Variants in QTMAN observed in about 807,000 individuals in gnomAD.
The protein encoded by QTMAN is tRNA-queuosine alpha-mannosyltransferase.
At chr2:144,202,193 A>G in the QTMAN span, among the ~76,000 whole-genome samples, 6 of 152,232 alleles carry the variant, frequency 3.9e-5, no homozygotes, top group African/African-American at 1.4e-4. Flanking sequence ...GACCCCAAGA[A>G]AACAAGAAAG....
the QTMAN span, among the ~76,000 whole-genome samples, chr2:144,185,923 G>A: frequency 6.6e-6 from 1 of 152,170 alleles, no homozygotes; most frequent in African/African-American, 2.4e-5. Flanking sequence ...TTGTAGAAAA[G>A]ATTATAAAGT....
At chr2:144,130,457 C>G in the QTMAN span, among the ~76,000 whole-genome samples, 25 of 151,974 alleles carry the variant, frequency 1.6e-4, no homozygotes, top group African/African-American at 6.0e-4. Context: ...AAGTAAACAT[C>G]ATATGATACT....
At chr2:144,248,578 G>A in the QTMAN span, among the ~76,000 whole-genome samples, 4 of 152,074 alleles carry the variant, frequency 2.6e-5, no homozygotes, top group African/African-American at 7.2e-5. Flanking sequence ...GCTTTGTATC[G>A]CAGGTAACTG....
the QTMAN span, among the ~76,000 whole-genome samples, chr2:144,196,791 G>A: frequency 2.6e-5 from 4 of 152,130 alleles, no homozygotes; most frequent in Non-Finnish European, 4.4e-5. Context: ...GTATAGTGAC[G>A]AGCAGAAACT....
chr2:144,019,435 GGTGTGTGTGTGT>G, the QTMAN span, among the ~76,000 whole-genome samples: 646 of 117,262 alleles, frequency 5.5e-3, 5 homozygotes, highest in African/African-American at 0.016. Context: ...TAAGCATGCA[GGTGTGTGTGTGT>G]GTGTGTGTGT....
chr2:144,253,255 T>G, the QTMAN span, among the ~76,000 whole-genome samples: 1 of 152,204 alleles, frequency 6.6e-6, no homozygotes, highest in Non-Finnish European at 1.5e-5. Context: ...GTCAATTAAA[T>G]CTCTTTCCTT....
At chr2:143,995,770 C>A in the QTMAN span, among the ~76,000 whole-genome samples, 2 of 152,150 alleles carry the variant, frequency 1.3e-5, no homozygotes, top group South Asian at 4.1e-4. Flanking sequence ...TACATATCTA[C>A]GCTGATAACT....
the QTMAN span, among the ~76,000 whole-genome samples, chr2:144,003,017 T>C: frequency 1.3e-5 from 2 of 151,988 alleles, no homozygotes; most frequent in Non-Finnish European, 2.9e-5. Flanking sequence ...CTATTCTCAC[T>C]GATTTTTTTG....
the QTMAN span, among the ~76,000 whole-genome samples, chr2:144,122,286 T>C: frequency 6.6e-6 from 1 of 152,172 alleles, no homozygotes; most frequent in Non-Finnish European, 1.5e-5. Context: ...TATGGGACCA[T>C]GTGTCAGTAG....
chr2:144,219,179 G>A, the QTMAN span, among the ~76,000 whole-genome samples: 2 of 152,098 alleles, frequency 1.3e-5, no homozygotes, highest in African/African-American at 4.8e-5. Flanking sequence ...TGCCCAGGCT[G>A]GAGTGCAATG....
the QTMAN span, among the ~76,000 whole-genome samples, chr2:144,222,351 G>A: frequency 1.3e-5 from 2 of 151,584 alleles, no homozygotes; most frequent in African/African-American, 2.4e-5. Context: ...GAGCCACCAC[G>A]CCCAACCTAA....
the QTMAN span, among the ~76,000 whole-genome samples, chr2:144,331,053 TATTC>T: frequency 7.0e-4 from 107 of 152,334 alleles, no homozygotes; most frequent in African/African-American, 2.5e-3. Flanking sequence ...AGATTTTACC[TATTC>T]ATTGTTTTCA....
the QTMAN span, among the ~76,000 whole-genome samples, chr2:144,116,873 T>C: frequency 6.6e-6 from 1 of 152,148 alleles, no homozygotes; most frequent in Non-Finnish European, 1.5e-5. Context: ...AGGTCTTACT[T>C]GAGATTCAGG....
chr2:144,281,999 G>T, the QTMAN span, among the ~76,000 whole-genome samples: 11 of 152,130 alleles, frequency 7.2e-5, no homozygotes, highest in Non-Finnish European at 1.6e-4. Context: ...CACCCGGAAG[G>T]CTTGTTAAAA....
At chr2:144,155,288 A>G in the QTMAN span, among the ~76,000 whole-genome samples, 1 of 152,202 alleles carries the variant, frequency 6.6e-6, no homozygotes, top group Non-Finnish European at 1.5e-5. Flanking sequence ...GCAATGTACA[A>G]TATCTTGATA....
the QTMAN span, among the ~76,000 whole-genome samples, chr2:144,223,410 G>T: frequency 6.6e-6 from 1 of 152,026 alleles, no homozygotes. Context: ...ATATGAAAAA[G>T]AAATCCTCCT....
the QTMAN span, among the ~76,000 whole-genome samples, chr2:144,184,112 T>G: frequency 6.6e-6 from 1 of 152,140 alleles, no homozygotes; most frequent in Non-Finnish European, 1.5e-5. Context: ...GAGAATAGCA[T>G]CCTTATTTAA....
At chr2:143,952,004 A>C in the QTMAN span, 5 of 1,580,688 alleles carry the variant, frequency 3.2e-6, no homozygotes, top group Admixed American at 3.3e-5. Context: ...TTTTCTTATA[A>C]TATCTGGTCT....
the QTMAN span, among the ~76,000 whole-genome samples, chr2:144,084,027 A>G: frequency 6.6e-6 from 1 of 152,224 alleles, no homozygotes; most frequent in Non-Finnish European, 1.5e-5. Flanking sequence ...TTTCTCAACT[A>G]TAAGAGAATC....
Sources: gnomAD v4.1 joint callset for allele counts (sites outside exome capture counted in the v4.1 genomes callset) on GRCh38, gnomAD v4.1.1 for gene constraint, MANE v1.5 for transcripts, NCBI Gene and HGNC (gene_info 2026-07-23, HGNC 2026-07-21) for gene names.